HS6ST3: variants seen among roughly 807,000 people sequenced by gnomAD.
HS6ST3 encodes the protein heparan sulfate 6-O-sulfotransferase 3.
In HS6ST3, 12 loss-of-function variants were observed where a neutral mutation model predicts 36.7. That is an observed-to-expected ratio of 0.33 (90% CI 0.21 to 0.53). The LOEUF is 0.53. HS6ST3 is among the 20% of genes least tolerant of loss of function. HS6ST3 has a pLI of 0.95. For synonymous variants in HS6ST3, 240 were observed against 257.5 expected, an observed-to-expected ratio of 0.93 and a Z score of 0.65; for missense variants, 584 against 640.9, an observed-to-expected ratio of 0.91 and a Z score of 0.96.
chr13:96,105,868 G>C (rs2053839195), intron 1 of HS6ST3, among the ~76,000 whole-genome samples: 1 of 152,142 alleles, frequency 6.6e-6, no homozygotes, highest in Non-Finnish European at 1.5e-5. Flanking sequence ...TCATCATTAT[G>C]TAACTCATGG....
chr13:96,146,514 A>G (rs1298659721), intron 1 of HS6ST3, among the ~76,000 whole-genome samples: 2 of 152,180 alleles, frequency 1.3e-5, no homozygotes, highest in Non-Finnish European at 2.9e-5. Flanking sequence ...TTAAAAAAGA[A>G]TATTTGAATA....
chr13:96,291,596 G>A (rs1300168051), intron 1 of HS6ST3, among the ~76,000 whole-genome samples: 3 of 152,172 alleles, frequency 2.0e-5, no homozygotes, highest in East Asian at 3.8e-4. Context: ...ATCCTGACAA[G>A]TGAATAAGAT....
chr13:96,765,887 T>C (rs761254130), intron 1 of HS6ST3, among the ~76,000 whole-genome samples: 2 of 152,104 alleles, frequency 1.3e-5, no homozygotes, highest in African/African-American at 2.4e-5. Flanking sequence ...GATGTAGAAA[T>C]GACACTGTAA....
chr13:96,258,418 C>G (rs2054648125), intron 1 of HS6ST3, among the ~76,000 whole-genome samples: 1 of 152,066 alleles, frequency 6.6e-6, no homozygotes, highest in Admixed American at 6.5e-5. Flanking sequence ...CACAAAGAAA[C>G]AGAGGAAAGG....
chr13:96,728,715 C>T (rs1876066547), intron 1 of HS6ST3, among the ~76,000 whole-genome samples: 1 of 152,158 alleles, frequency 6.6e-6, no homozygotes, highest in African/African-American at 2.4e-5. Context: ...TTCCCATAAT[C>T]ATGATTTTAA....
At chr13:96,312,557 C>A (rs918080772) in intron 1 of HS6ST3, among the ~76,000 whole-genome samples, 1 of 149,534 alleles carries the variant, frequency 6.7e-6, no homozygotes, top group African/African-American at 2.6e-5. Context: ...TGTTAAAAAT[C>A]TCCTTAATAA....
At chr13:96,739,081 G>A (rs780567222) in intron 1 of HS6ST3, among the ~76,000 whole-genome samples, 13 of 151,746 alleles carry the variant, frequency 8.6e-5, no homozygotes, top group Admixed American at 3.3e-4. Flanking sequence ...TCAGGACACC[G>A]CACACATTTT....
intron 1 of HS6ST3, among the ~76,000 whole-genome samples, chr13:96,095,260 T>G (rs645595): frequency 6.6e-6 from 1 of 152,194 alleles, no homozygotes; most frequent in Non-Finnish European, 1.5e-5. Flanking sequence ...GTTCTGGGAA[T>G]TGCATTTTGA....
intron 1 of HS6ST3, among the ~76,000 whole-genome samples, chr13:96,684,398 T>C (rs146181156): frequency 6.6e-4 from 100 of 152,162 alleles, no homozygotes; most frequent in African/African-American, 2.4e-3. Context: ...GTGTTAATAT[T>C]TGACACCATC....
At chr13:96,779,433 C>T (rs1436585457) in intron 1 of HS6ST3, among the ~76,000 whole-genome samples, 4 of 151,872 alleles carry the variant, frequency 2.6e-5, no homozygotes, top group African/African-American at 7.3e-5. Context: ...TTTTGAGATG[C>T]TCAACAACTA....
chr13:96,575,203 C>T (rs911553359), intron 1 of HS6ST3, among the ~76,000 whole-genome samples: 2 of 152,202 alleles, frequency 1.3e-5, no homozygotes, highest in Admixed American at 6.5e-5. Context: ...CTTCCTGCAC[C>T]GAGCCTCCTG....
intron 1 of HS6ST3, among the ~76,000 whole-genome samples, chr13:96,810,905 GT>G (rs894649098): frequency 1.3e-5 from 2 of 152,118 alleles, no homozygotes; most frequent in African/African-American, 4.8e-5. Flanking sequence ...AGAAATTACA[GT>G]TCAAGTTTTC....
chr13:96,198,439 A>G lies in HS6ST3; in HGVS notation c.707+106870A>G, dbSNP rs563001345. Among the ~76,000 whole-genome samples the G allele has an allele frequency of 2.2e-4, 33 of 151,738 alleles. No homozygotes were observed. In the South Asian group the frequency reaches 6.4e-3, roughly 30 times the overall value. On this transcript the variant is annotated intron_variant, in intron 1 of 1. Coordinates refer to ENST00000376705, the MANE Select transcript of HS6ST3 (RefSeq NM_153456.4). ...AATGGGTTTTTCTTTTCTATCACAT[A>G]GTCAGGCTGCAAATTTTCCAAACTT...
At chr13:96,137,274 T>C (rs2054007227) in intron 1 of HS6ST3, among the ~76,000 whole-genome samples, 2 of 151,788 alleles carry the variant, frequency 1.3e-5, no homozygotes, top group Non-Finnish European at 2.9e-5. Context: ...AATTTGTGTC[T>C]GACTTTCTCC....
intron 1 of HS6ST3, among the ~76,000 whole-genome samples, chr13:96,631,543 G>T (rs905409636): frequency 6.6e-6 from 1 of 152,144 alleles, no homozygotes; most frequent in African/African-American, 2.4e-5. Flanking sequence ...AAATCCTTAT[G>T]ACCAGTTATT....
At chr13:96,808,429 G>A (rs1878246442) in intron 1 of HS6ST3, among the ~76,000 whole-genome samples, 1 of 152,126 alleles carries the variant, frequency 6.6e-6, no homozygotes. Context: ...AGCCAGCAAC[G>A]TTCGAATTGA....
chr13:96,368,435 G>T (rs2055273970), intron 1 of HS6ST3, among the ~76,000 whole-genome samples: 1 of 150,642 alleles, frequency 6.6e-6, no homozygotes, highest in South Asian at 2.1e-4. Context: ...CTCGTTCGAT[G>T]AAAAAAAGGA....
At position 96,264,620 on chromosome 13, in the gene HS6ST3, A is replaced by G. The variant is rs79902171; in HGVS notation, c.707+173051A>G. 7.5e-3 allele frequency among the ~76,000 whole-genome samples: 1,138 copies of G among 152,328 alleles called. 11 individuals are homozygous for G. Among genetic ancestry groups the G allele is most frequent in the African/African-American group, 0.026 (1,062 of 41,560 alleles). On this transcript the variant is annotated intron_variant, in intron 1 of 1. Transcript: ENST00000376705. The stretch of plus-strand genomic sequence containing the variant: ...ATGAATGGCTGAAAACAAAGTATCT[A>G]ATCAACTCTGAGCATAAACGTATGT...
chr13:96,526,102 G>A (rs538890302), intron 1 of HS6ST3, among the ~76,000 whole-genome samples: 1 of 152,282 alleles, frequency 6.6e-6, no homozygotes, highest in African/African-American at 2.4e-5. Flanking sequence ...CAGATGGAGT[G>A]CCTTAGTTAA....
Sources: allele counts gnomAD v4.1 joint callset (sites outside exome capture counted in the v4.1 genomes callset), GRCh38; gene constraint gnomAD v4.1.1; transcripts MANE v1.5; gene names NCBI Gene and HGNC (gene_info 2026-07-23, HGNC 2026-07-21).